Variants in DLG2 observed in about 807,000 individuals in gnomAD.
The protein encoded by DLG2 is discs large MAGUK scaffold protein 2, also known as disks large homolog 2.
Under a neutral mutation model 132.5 loss-of-function variants are expected in DLG2, and 45 were observed. The ratio of observed to expected loss-of-function variants is 0.34; its 90% confidence interval spans 0.27 to 0.44. DLG2 has a LOEUF of 0.44. Among genes scored for constraint, DLG2 ranks in the 20% least tolerant of loss-of-function variants. DLG2 has a pLI of 1.00. For synonymous variants in DLG2, 424 were observed against 419.6 expected (o/e 1.01, Z -0.13); for missense variants, 1,045 against 1,196.9 (o/e 0.87, Z 1.87).
chr11:84,107,680 C>T (rs925816360), intron 9 of DLG2, among the ~76,000 whole-genome samples: 8 of 151,834 alleles, frequency 5.3e-5, no homozygotes, highest in South Asian at 2.1e-4. Context: ...TGAGTTCCTA[C>T]GGTAAGTTAT....
intron 6 of DLG2, among the ~76,000 whole-genome samples, chr11:84,597,552 G>C (rs140726992): frequency 3.0e-4 from 45 of 152,268 alleles, no homozygotes; most frequent in African/African-American, 1.1e-3. Context: ...TATTCTTCCA[G>C]TCTCTGGTTT....
intron 3 of DLG2, among the ~76,000 whole-genome samples, chr11:85,445,153 G>A (rs1483443838): frequency 6.6e-6 from 1 of 152,140 alleles, no homozygotes. Flanking sequence ...TGCTGTTGAG[G>A]AATTCAATAT....
intron 4 of DLG2, among the ~76,000 whole-genome samples, chr11:85,221,074 A>T (rs1277432242): frequency 6.7e-6 from 1 of 149,714 alleles, no homozygotes; most frequent in Non-Finnish European, 1.5e-5. Flanking sequence ...ACAGAGTCTC[A>T]CTCTGTCGCC....
intron 4 of DLG2, among the ~76,000 whole-genome samples, chr11:85,197,654 TGAG>T (rs1220866725): frequency 6.6e-6 from 1 of 152,192 alleles, no homozygotes; most frequent in Non-Finnish European, 1.5e-5. Context: ...GTCACAGATA[TGAG>T]GAGTAAAGGG....
intron 3 of DLG2, among the ~76,000 whole-genome samples, chr11:85,346,578 C>T (rs1055909302): frequency 2.6e-5 from 4 of 152,068 alleles, no homozygotes; most frequent in Non-Finnish European, 5.9e-5. Context: ...AATCAGAATA[C>T]GTAGACACTC....
intron 7 of DLG2, among the ~76,000 whole-genome samples, chr11:84,473,369 G>T (rs1249763084): frequency 6.6e-6 from 1 of 151,954 alleles, no homozygotes; most frequent in Non-Finnish European, 1.5e-5. Context: ...AGATGGTTCT[G>T]CAGAATGACA....
intron 15 of DLG2, among the ~76,000 whole-genome samples, chr11:83,922,916 A>G (rs898648051): frequency 2.6e-5 from 4 of 152,210 alleles, no homozygotes; most frequent in African/African-American, 9.6e-5. Context: ...ACTCCTGAGA[A>G]GAAACATGTA....
At chr11:84,820,574 T>C (rs2077558030) in intron 6 of DLG2, among the ~76,000 whole-genome samples, 3 of 151,876 alleles carry the variant, frequency 2.0e-5, no homozygotes, top group African/African-American at 7.2e-5. Flanking sequence ...TTGATGAAAT[T>C]TGTACTCCAG....
At chr11:85,299,590 C>T (rs894174224) in intron 3 of DLG2, among the ~76,000 whole-genome samples, 12 of 152,152 alleles carry the variant, frequency 7.9e-5, no homozygotes, top group African/African-American at 2.9e-4. Context: ...TGTTTTATTT[C>T]CCTACATGTA....
intron 12 of DLG2, 46 bp downstream of exon 12, chr11:83,980,460 A>G: frequency 6.3e-7 from 1 of 1,578,758 alleles, no homozygotes; most frequent in South Asian, 1.2e-5. Context: ...ACTGGAAAAC[A>G]AGAGCTTTAT....
chr11:83,794,254 A>G (rs992255035), intron 17 of DLG2, among the ~76,000 whole-genome samples: 2 of 152,150 alleles, frequency 1.3e-5, no homozygotes, highest in Non-Finnish European at 2.9e-5. Context: ...GGTTTTAGCA[A>G]ACATGTTCTT....
At chr11:85,527,667 C>T (rs1413163034) in intron 3 of DLG2, among the ~76,000 whole-genome samples, 1 of 152,064 alleles carries the variant, frequency 6.6e-6, no homozygotes, top group Non-Finnish European at 1.5e-5. Context: ...ACTTGTGCAT[C>T]TGTCTTTATA....
chr11:84,966,050 A>C (rs570635014), intron 6 of DLG2, among the ~76,000 whole-genome samples: 1 of 152,056 alleles, frequency 6.6e-6, no homozygotes, highest in Non-Finnish European at 1.5e-5. Context: ...TTAATGAATA[A>C]AGCACATGTT....
chr11:83,539,863 T>C (rs774788190), intron 20 of DLG2, among the ~76,000 whole-genome samples: 2 of 152,188 alleles, frequency 1.3e-5, no homozygotes, highest in Non-Finnish European at 2.9e-5. Flanking sequence ...AGGAATAGCA[T>C]TGAGAATGTT....
intron 6 of DLG2, among the ~76,000 whole-genome samples, chr11:84,706,518 G>A (rs2059798146): frequency 6.6e-6 from 1 of 151,764 alleles, no homozygotes; most frequent in African/African-American, 2.4e-5. Context: ...AACTGAGTCT[G>A]TGATAGGTAA....
chr11:85,273,729 A>G (rs2077698505), intron 4 of DLG2, among the ~76,000 whole-genome samples: 1 of 152,334 alleles, frequency 6.6e-6, no homozygotes, highest in East Asian at 1.9e-4. Context: ...TAGAAATACC[A>G]TTTGACCCAA....
chr11:84,812,685 CT>C (rs2076693222), intron 6 of DLG2, among the ~76,000 whole-genome samples: 1 of 152,114 alleles, frequency 6.6e-6, no homozygotes, highest in South Asian at 2.1e-4. Flanking sequence ...GCAACATCCC[CT>C]GAATGCTTCT....
chr11:85,093,645 C>T (rs566725276), intron 6 of DLG2, among the ~76,000 whole-genome samples: 27 of 152,260 alleles, frequency 1.8e-4, no homozygotes, highest in Admixed American at 2.0e-4. Context: ...AGAACGTGTG[C>T]GGGGGAACTC....
At position 84,904,575 on chromosome 11, in the gene DLG2, A is replaced by G. The variant is rs146090760; in HGVS notation, c.357+207086T>C. 8.7e-3 allele frequency among the ~76,000 whole-genome samples: 1,320 copies of G among 152,260 alleles called. 9 individuals carry two copies. Among genetic ancestry groups the G allele is most frequent in the Non-Finnish European group, 0.014 (968 of 68,016 alleles). On this transcript the variant is annotated intron_variant, in intron 6 of 27. Transcript: ENST00000376104. ...GCTAGAAATGGCTTTTCTGCTGCCCATAACTGAGGGTTTGAATCCCATTTG... is the reference window on the plus strand; with the variant it reads ...GCTAGAAATGGCTTTTCTGCTGCCCGTAACTGAGGGTTTGAATCCCATTTG...
Sources: allele counts gnomAD v4.1 joint callset (sites outside exome capture counted in the v4.1 genomes callset), GRCh38; gene constraint gnomAD v4.1.1; transcripts MANE v1.5; gene names NCBI Gene and HGNC (gene_info 2026-07-23, HGNC 2026-07-21).